The following PDE10A variants were observed in gnomAD, a reference collection of about 807,000 sequenced individuals.
PDE10A encodes phosphodiesterase 10A.
PDE10A carries 39 observed loss-of-function variants against 97.7 expected under a neutral mutation model. That is an observed-to-expected ratio of 0.40 (90% CI 0.31 to 0.52). The LOEUF is 0.52. Ranked by LOEUF, PDE10A falls within the 20% of genes least tolerant of loss-of-function variation. PDE10A has a pLI of 0.56. For synonymous variants in PDE10A, 371 were observed against 376.8 expected (o/e 0.98, Z 0.18); for missense variants, 731 against 1,047.8 (o/e 0.70, Z 4.17).
At chr6:165,806,140 TCAGG>T (rs1562745970) in intron 1 of PDE10A, among the ~76,000 whole-genome samples, 1 of 144,538 alleles carries the variant, frequency 6.9e-6, no homozygotes, top group African/African-American at 2.5e-5. Context: ...CAGAGGGTAC[TCAGG>T]CAGTTTTCTA....
chr6:165,891,045 G>A (rs114568006), intron 1 of PDE10A, among the ~76,000 whole-genome samples: 2,022 of 152,236 alleles, frequency 0.013, 44 homozygotes, highest in African/African-American at 0.045. Flanking sequence ...TGAACATTTT[G>A]TGAGATTGGT....
intron 1 of PDE10A, among the ~76,000 whole-genome samples, chr6:165,915,142 TC>T (rs1782568996): frequency 6.6e-6 from 1 of 152,152 alleles, no homozygotes; most frequent in Non-Finnish European, 1.5e-5. Context: ...AAACCAATTT[TC>T]TTTCATGAAT....
chr6:165,826,512 C>CCTGTGTCCCTCTGTCT (rs774297691), intron 1 of PDE10A, among the ~76,000 whole-genome samples: 1 of 136,836 alleles, frequency 7.3e-6, no homozygotes, highest in South Asian at 2.7e-4. Context: ...TCCCTCTGTC[C>CCTGTGTCCCTCTGTCT]CAGTGTTACT....
rs775145209 is a variant in PDE10A at position 165,711,714 on chromosome 6, C to G, written c.-614-168146G>C. ...TGCTGAGCTACGTTCAGCTCAGGCACAAGCCTGTTCAGAACAACCCAGGAA... is the reference window on the plus strand; with the variant it reads ...TGCTGAGCTACGTTCAGCTCAGGCAGAAGCCTGTTCAGAACAACCCAGGAA... On this transcript the variant is annotated intron_variant, in intron 1 of 19. Transcript: ENST00000366882. This position sits in a 1 kb window ranked among gnomAD's most constrained non-coding sequence, Gnocchi z 4.5. Among the ~76,000 whole-genome samples the G allele has an allele frequency of 6.6e-6, 1 of 152,216 alleles. No individual in the cohort carries two copies. Among genetic ancestry groups the G allele is most frequent in the Non-Finnish European group, 1.5e-5 (1 of 68,034 alleles).
chr6:165,986,522 TC>T (rs1422600028), intron 1 of PDE10A: 3 of 149,426 alleles, frequency 2.0e-5, no homozygotes, highest in Non-Finnish European at 4.5e-5. Context: ...TGTCTCTCTC[TC>T]TCTCTCTCTC....
intron 1 of PDE10A, among the ~76,000 whole-genome samples, chr6:165,766,761 A>G: frequency 6.6e-6 from 1 of 152,244 alleles, no homozygotes; most frequent in East Asian, 1.9e-4. Flanking sequence ...GAGGTATTTA[A>G]AGAAAAATGC....
chr6:165,666,771 T>C (rs1380399561), upstream of PDE10A, among the ~76,000 whole-genome samples: 1 of 152,180 alleles, frequency 6.6e-6, no homozygotes, highest in African/African-American at 2.4e-5. Flanking sequence ...ACTTATGTAT[T>C]TTATCTGCAC....
intron 18 of PDE10A, among the ~76,000 whole-genome samples, chr6:165,372,681 C>T (rs1784339739): frequency 6.8e-6 from 1 of 146,720 alleles, no homozygotes; most frequent in Non-Finnish European, 1.5e-5. Flanking sequence ...TCAATGCCAT[C>T]CCCATCAAGC....
At chr6:165,463,987 A>G (rs1471712633) in intron 3 of PDE10A, among the ~76,000 whole-genome samples, 1 of 152,208 alleles carries the variant, frequency 6.6e-6, no homozygotes. Context: ...TTAATTTAAT[A>G]TCTATAGAAA....
intron 1 of PDE10A, among the ~76,000 whole-genome samples, chr6:165,619,477 GTC>G (rs1562635014): frequency 2.1e-5 from 3 of 143,266 alleles, no homozygotes; most frequent in South Asian, 2.2e-4. Flanking sequence ...GTGTAGTGTA[GTC>G]TAGTGTAGTC....
chr6:165,605,279 A>AC (rs1229295845), intron 1 of PDE10A, among the ~76,000 whole-genome samples: 2 of 152,162 alleles, frequency 1.3e-5, no homozygotes, highest in African/African-American at 4.8e-5. Flanking sequence ...AAACAAACAA[A>AC]AAAAACCAAC....
intron 5 of PDE10A, among the ~76,000 whole-genome samples, chr6:165,445,352 G>A (rs1017379646): frequency 6.6e-6 from 1 of 152,180 alleles, no homozygotes; most frequent in Admixed American, 6.5e-5. Context: ...CTAAAAGGAA[G>A]TAAATAAAGG....
chr6:165,892,490 G>A (rs1421616391), intron 1 of PDE10A, among the ~76,000 whole-genome samples: 1 of 152,234 alleles, frequency 6.6e-6, no homozygotes, highest in Non-Finnish European at 1.5e-5. Flanking sequence ...CCCTGTGACT[G>A]TCCGTCCTTA....
rs948607382 is a variant in PDE10A at position 165,329,936 on chromosome 6, G to A, written c.*3089C>T. 3 of 152,096 alleles carry A rather than the reference G, an allele frequency of 2.0e-5. No individual in the cohort carries two copies. The highest frequency in any genetic ancestry group is 4.4e-5 in the Non-Finnish European group (3 of 68,016). 9.4% of individuals were successfully genotyped at this position (152,096 alleles called of 1,614,324 possible). A position where few individuals can be genotyped will look rare whatever the true frequency, so the allele number is the denominator to read the frequency against. ...GACCAGAGTCTCTGCCCTATTAATA[G>A]GGCTATTTTTTAGAATTAGTTTCCA... On this transcript the variant is annotated 3_prime_UTR_variant, in exon 22 of 22. Transcript: ENST00000539869.
At chr6:165,558,671 C>T (rs1784377332) in intron 1 of PDE10A, among the ~76,000 whole-genome samples, 1 of 151,946 alleles carries the variant, frequency 6.6e-6, no homozygotes, top group Non-Finnish European at 1.5e-5. Flanking sequence ...TATATTTCCC[C>T]AATGCAATGT....
At chr6:165,456,435 G>A (rs1197575302) in intron 3 of PDE10A, among the ~76,000 whole-genome samples, 1 of 152,170 alleles carries the variant, frequency 6.6e-6, no homozygotes, top group African/African-American at 2.4e-5. Context: ...ATGATACACG[G>A]CTGACTCCTT....
At chr6:165,707,585 T>A (rs1791746305) in intron 1 of PDE10A, among the ~76,000 whole-genome samples, 1 of 152,130 alleles carries the variant, frequency 6.6e-6, no homozygotes, top group Non-Finnish European at 1.5e-5. Context: ...TTGCACTGTG[T>A]GTGTGTGAGT....
At chr6:165,739,903 C>A (rs1405100833) in intron 1 of PDE10A, among the ~76,000 whole-genome samples, 1 of 151,988 alleles carries the variant, frequency 6.6e-6, no homozygotes, top group Non-Finnish European at 1.5e-5. Flanking sequence ...CAAAGCTAAA[C>A]CACAATGAGG....
chr6:165,646,268 G>T (rs776663644), intron 1 of PDE10A, among the ~76,000 whole-genome samples: 8 of 152,138 alleles, frequency 5.3e-5, no homozygotes, highest in Non-Finnish European at 1.0e-4. Context: ...CCATTTTCTT[G>T]TCTCTTTTTA....
Sources: gnomAD v4.1 joint callset for allele counts (sites outside exome capture counted in the v4.1 genomes callset) on GRCh38, gnomAD v4.1.1 for gene constraint, Gnocchi (gnomAD v3.1) non-coding constraint, MANE v1.5 for transcripts, NCBI Gene and HGNC (gene_info 2026-07-23, HGNC 2026-07-21) for gene names.